Variants in C11orf65 observed in about 807,000 individuals in gnomAD.
The protein encoded by C11orf65 is chromosome 11 open reading frame 65.
Under a neutral mutation model 35.3 loss-of-function variants are expected in C11orf65, and 38 were observed. That is an observed-to-expected ratio of 1.08 (90% CI 0.83 to 1.41). The LOEUF (loss-of-function observed/expected upper bound fraction) is 1.41. Ranked by LOEUF, C11orf65 falls within the 40% of genes most tolerant of loss-of-function variation. The pLI, the probability that C11orf65 is intolerant of heterozygous loss-of-function variation, is 0.00. For synonymous variants in C11orf65, 105 were observed against 114.4 expected (o/e 0.92, Z 0.53); for missense variants, 370 against 367.1 (o/e 1.01, Z -0.06).
chr11:108,424,928 G>A (rs1330872824), intron 3 of C11orf65, among the ~76,000 whole-genome samples: 2 of 152,102 alleles, frequency 1.3e-5, no homozygotes, highest in Non-Finnish European at 2.9e-5. Context: ...CGAAACGAAG[G>A]CAGAAATAAA....
At chr11:108,385,689 A>G (rs1019783264) in intron 8 of C11orf65, among the ~76,000 whole-genome samples, 1 of 152,128 alleles carries the variant, frequency 6.6e-6, no homozygotes, top group African/African-American at 2.4e-5. Flanking sequence ...CTCAAAAAAA[A>G]AAAAAGATTC....
intron 2 of C11orf65, among the ~76,000 whole-genome samples, chr11:108,439,902 T>C (rs1182671936): frequency 6.6e-6 from 1 of 152,136 alleles, no homozygotes; most frequent in African/African-American, 2.4e-5. Context: ...GTGCACAACA[T>C]TATGAATATA....
intron 2 of C11orf65, among the ~76,000 whole-genome samples, chr11:108,375,704 A>G (rs997100551): frequency 1.3e-5 from 2 of 152,218 alleles, no homozygotes; most frequent in Admixed American, 6.5e-5. Flanking sequence ...TTGGATAAAG[A>G]GTCAAGACCC....
At chr11:108,360,316 A>C (rs1440678662) in intron 2 of C11orf65, among the ~76,000 whole-genome samples, 27 of 150,360 alleles carry the variant, frequency 1.8e-4, no homozygotes, top group African/African-American at 3.2e-4. Flanking sequence ...AGTTTACCAA[A>C]CAAAAAGAGT....
chr11:108,345,182 G>A (rs1388831752), intron 2 of C11orf65, among the ~76,000 whole-genome samples: 2 of 152,134 alleles, frequency 1.3e-5, no homozygotes, highest in African/African-American at 4.8e-5. Flanking sequence ...TGCTGAATGG[G>A]CAGCTTGAGA....
intron 5 of C11orf65, among the ~76,000 whole-genome samples, chr11:108,405,948 T>C (rs1471150739): frequency 2.0e-5 from 3 of 152,232 alleles, no homozygotes; most frequent in Non-Finnish European, 2.9e-5. Flanking sequence ...CCCTGTACCA[T>C]GTCCTAAGAC....
intron 3 of C11orf65, among the ~76,000 whole-genome samples, chr11:108,417,281 A>G (rs1784547): frequency 1.3e-5 from 2 of 152,198 alleles, no homozygotes; most frequent in East Asian, 1.9e-4. Flanking sequence ...GGCGGCTCAC[A>G]CCTGTAATCC....
At chr11:108,462,345 T>C (rs1250314777) in intron 1 of C11orf65, among the ~76,000 whole-genome samples, 3 of 152,216 alleles carry the variant, frequency 2.0e-5, no homozygotes, top group Non-Finnish European at 4.4e-5. Flanking sequence ...GCACCAAAAG[T>C]AGTCAGCAAT....
chr11:108,406,653 T>G lies in C11orf65; in HGVS notation c.429+110A>C, dbSNP rs1046063690. ...GCTAACTTAAGCAAAATTTATCAAT[T>G]AAATTACTAGGATTTATTATTTTAA... On this transcript the variant is annotated intron_variant, in intron 5 of 8. Transcript: ENST00000393084. The G allele has an allele frequency of 4.7e-5, 35 of 738,716 alleles. No homozygotes were observed. The Admixed American group carries it at 1.1e-3, about 23-fold the overall frequency. The allele number at this position is 738,716 out of a possible 1,614,324, so 45.8% of individuals were successfully genotyped here. A position where few individuals can be genotyped will look rare whatever the true frequency, so the allele number is the denominator to read the frequency against.
chr11:108,440,473 A>G (rs2093134162), intron 2 of C11orf65, among the ~76,000 whole-genome samples: 1 of 152,170 alleles, frequency 6.6e-6, no homozygotes, highest in Non-Finnish European at 1.5e-5. Flanking sequence ...GCTGTCAGCT[A>G]GGTCTCTTGG....
intron 6 of C11orf65, 109 bp downstream of exon 6, chr11:108,405,320 G>A (rs983391298): frequency 1.8e-6 from 2 of 1,123,272 alleles, no homozygotes; most frequent in Non-Finnish European, 2.5e-6. Context: ...GGGTCTGCGG[G>A]CAGACCCCCT....
intron 2 of C11orf65, among the ~76,000 whole-genome samples, chr11:108,460,859 G>A (rs1432901273): frequency 3.3e-5 from 5 of 151,948 alleles, no homozygotes; most frequent in African/African-American, 7.3e-5. Context: ...CCGTGTAGCT[G>A]GGATTACAGG....
rs1466264639 is a variant in C11orf65 at position 108,332,148 on chromosome 11, G to T, written c.300-581C>A. The T allele has an allele frequency of 2.8e-6, 4 of 1,404,644 alleles. No homozygotes were observed. The African/African-American group carries it at 5.7e-5, about 20-fold the overall frequency. 87.0% of individuals were successfully genotyped at this position (1,404,644 alleles called of 1,614,324 possible). A position where few individuals can be genotyped will look rare whatever the true frequency, so the allele number is the denominator to read the frequency against. ...AGATGCCATCTAAAATCGGTTCAAG[G>T]CTGGCACGGTGGCTCACGCCTGTAA... On this transcript the variant is annotated intron_variant, in intron 3 of 3. Transcript: ENST00000524755.
At chr11:108,348,527 A>T (rs796991232) in intron 2 of C11orf65, among the ~76,000 whole-genome samples, 1 of 151,774 alleles carries the variant, frequency 6.6e-6, no homozygotes, top group Non-Finnish European at 1.5e-5. Context: ...TGAAGTATTA[A>T]TGGGATTTCT....
chr11:108,319,867 A>G, intron 6 of C11orf65: 4 of 926,156 alleles, frequency 4.3e-6, no homozygotes, highest in Non-Finnish European at 6.8e-6. Flanking sequence ...TTAATTTAAA[A>G]ATTTTGTCCT....
At chr11:108,447,478 T>A (rs547971503) in intron 2 of C11orf65, among the ~76,000 whole-genome samples, 3 of 151,938 alleles carry the variant, frequency 2.0e-5, no homozygotes, top group Admixed American at 2.0e-4. Flanking sequence ...GGATTAAGAA[T>A]CTCACTCAAA....
At chr11:108,331,714 C>A in intron 3 of C11orf65, 1 of 1,317,646 alleles carries the variant, frequency 7.6e-7, no homozygotes. Context: ...TTTTCTCTCT[C>A]TAATTCCTCA....
chr11:108,371,842 T>C (rs2091584086), intron 2 of C11orf65, among the ~76,000 whole-genome samples: 1 of 152,214 alleles, frequency 6.6e-6, no homozygotes, highest in African/African-American at 2.4e-5. Context: ...ATTTTACAAC[T>C]CCACCATCAG....
At chr11:108,371,718 G>A (rs1384431723) in intron 2 of C11orf65, among the ~76,000 whole-genome samples, 3 of 152,082 alleles carry the variant, frequency 2.0e-5, no homozygotes, top group Non-Finnish European at 4.4e-5. Context: ...ATACAAATAT[G>A]TCTTCAGAAC....
Sources: gnomAD v4.1 joint callset for allele counts (sites outside exome capture counted in the v4.1 genomes callset) on GRCh38, gnomAD v4.1.1 for gene constraint, MANE v1.5 for transcripts, NCBI Gene and HGNC (gene_info 2026-07-23, HGNC 2026-07-21) for gene names.